Variants in CDC42SE2 observed in about 807,000 individuals in gnomAD.
The protein encoded by CDC42SE2 is CDC42 small effector 2.
CDC42SE2 carries 3 observed loss-of-function variants against 11.5 expected under a neutral mutation model. The observed-to-expected ratio is 0.26, with a 90% CI of 0.12 to 0.67. The LOEUF is 0.67. Ranked by LOEUF, CDC42SE2 falls within the 30% of genes least tolerant of loss-of-function variation. The pLI is 0.80. For synonymous variants in CDC42SE2, 33 were observed against 34.8 expected (o/e 0.95, Z 0.18); for missense variants, 82 against 106.8 (o/e 0.77, Z 1.02).
intron 1 of CDC42SE2, among the ~76,000 whole-genome samples, chr5:131,309,100 ATTC>A (rs1757842074): frequency 6.6e-6 from 1 of 152,118 alleles, no homozygotes; most frequent in Non-Finnish European, 1.5e-5. Context: ...GATAGCTCTT[ATTC>A]TTTTGAAATA....
At chr5:131,373,729 G>A (rs30735) in intron 3 of CDC42SE2, among the ~76,000 whole-genome samples, 64,458 of 151,944 alleles carry the variant, frequency 0.42, 17,623 homozygotes, top group African/African-American at 0.78. Context: ...AAACAAAACA[G>A]AAAACATGAA....
chr5:131,294,121 A>G (rs1757520399), intron 1 of CDC42SE2, among the ~76,000 whole-genome samples: 1 of 152,196 alleles, frequency 6.6e-6, no homozygotes, highest in Non-Finnish European at 1.5e-5. Flanking sequence ...AGAGTCAAGT[A>G]TACACTGTTT....
intron 1 of CDC42SE2, among the ~76,000 whole-genome samples, chr5:131,279,518 C>T (rs1371898950): frequency 8.3e-6 from 1 of 119,838 alleles, no homozygotes; most frequent in Non-Finnish European, 1.6e-5. Flanking sequence ...ACTTTTTTTT[C>T]TGCTTTTACT....
In CDC42SE2 at chr5:131,321,717, T is replaced by C. The variant is rs528569801; in HGVS notation, c.-286+5573T>C. Among the ~76,000 whole-genome samples, 648 of 150,790 alleles carry C rather than the reference T, an allele frequency of 4.3e-3. 5 individuals are homozygous for C. The highest frequency in any genetic ancestry group is 0.014 in the African/African-American group (553 of 40,790). On this transcript the variant is annotated intron_variant, in intron 2 of 4. Transcript: ENST00000505065. ...AATGGTGGGAAACTTAATTCTATCT[T>C]CCCCCCCGCCAAAATCATCAAGCGT...
At position 131,290,989 on chromosome 5, in the gene CDC42SE2, G is replaced by T. The variant is rs1177411602; in HGVS notation, c.-454-24987G>T. 1.3e-5 allele frequency among the ~76,000 whole-genome samples: 2 copies of T among 152,098 alleles called. 1 individual carries two copies. Among genetic ancestry groups the T allele is most frequent in the South Asian group, 4.1e-4 (2 of 4,832 alleles). ...AAAAGGAAAACCTTAAAAATACTAG[G>T]AGAAAACATCGGTCAATATAAAAAC... On this transcript the variant is annotated intron_variant, in intron 1 of 4. Transcript: ENST00000505065.
intron 1 of CDC42SE2, among the ~76,000 whole-genome samples, chr5:131,286,562 C>G (rs533243079): frequency 6.6e-6 from 1 of 151,932 alleles, no homozygotes; most frequent in South Asian, 2.1e-4. Flanking sequence ...CCTTGAACAA[C>G]ATGGGTTTGA....
At chr5:131,349,823 G>T (rs576803255) in intron 2 of CDC42SE2, among the ~76,000 whole-genome samples, 1 of 152,282 alleles carries the variant, frequency 6.6e-6, no homozygotes, top group South Asian at 2.1e-4. Context: ...TATTTTTAAG[G>T]TATGTGCACA....
intron 3 of CDC42SE2, among the ~76,000 whole-genome samples, chr5:131,378,980 C>T (rs2149785054): frequency 6.6e-6 from 1 of 152,258 alleles, no homozygotes; most frequent in South Asian, 2.1e-4. Context: ...AATAGAAAAC[C>T]CTGGCACCCC....
the CDC42SE2 span, among the ~76,000 whole-genome samples, chr5:131,225,047 G>A: frequency 5.3e-5 from 8 of 152,204 alleles, no homozygotes; most frequent in South Asian, 2.1e-4. Context: ...AGTGGCCGCC[G>A]TGTGAACAGT....
intron 1 of CDC42SE2, among the ~76,000 whole-genome samples, chr5:131,293,760 C>G (rs1417595118): frequency 2.0e-5 from 3 of 152,056 alleles, no homozygotes; most frequent in Non-Finnish European, 4.4e-5. Flanking sequence ...TTCTTATGTT[C>G]TTTATTTTTC....
chr5:131,386,546 C>T (rs533183385), intron 4 of CDC42SE2, among the ~76,000 whole-genome samples: 5 of 152,292 alleles, frequency 3.3e-5, no homozygotes, highest in South Asian at 4.1e-4. Context: ...AAGATTTATT[C>T]GCTGTCTTTT....
At chr5:131,335,199 T>C (rs1758525371) in intron 2 of CDC42SE2, among the ~76,000 whole-genome samples, 1 of 152,248 alleles carries the variant, frequency 6.6e-6, no homozygotes, top group South Asian at 2.1e-4. Flanking sequence ...AGAACACCTT[T>C]ATTTCTGCCT....
chr5:131,334,216 G>A (rs1227603385), intron 2 of CDC42SE2, among the ~76,000 whole-genome samples: 1 of 152,220 alleles, frequency 6.6e-6, no homozygotes, highest in Non-Finnish European at 1.5e-5. Context: ...CATCTGTTGA[G>A]ATAATCATGT....
upstream of CDC42SE2, among the ~76,000 whole-genome samples, chr5:131,242,519 C>A (rs181998468): frequency 2.0e-4 from 30 of 152,110 alleles, no homozygotes; most frequent in Middle Eastern, 3.4e-3. Flanking sequence ...TTCATGCAAT[C>A]TTTTTATTCA....
intron 1 of CDC42SE2, among the ~76,000 whole-genome samples, chr5:131,277,090 G>A (rs1345707704): frequency 6.6e-6 from 1 of 152,130 alleles, no homozygotes; most frequent in East Asian, 1.9e-4. Flanking sequence ...AAATCATCAT[G>A]TTGGATGACA....
chr5:131,234,799 T>C, the CDC42SE2 span, among the ~76,000 whole-genome samples: 1 of 151,916 alleles, frequency 6.6e-6, no homozygotes, highest in East Asian at 1.9e-4. Flanking sequence ...CAGCAGAAGA[T>C]GGATATTCTA....
At chr5:131,342,600 G>A (rs1758738545) in intron 2 of CDC42SE2, among the ~76,000 whole-genome samples, 1 of 151,872 alleles carries the variant, frequency 6.6e-6, no homozygotes, top group African/African-American at 2.4e-5. Flanking sequence ...ATATTGGCCA[G>A]GCTGGTCTTG....
intron 4 of CDC42SE2, among the ~76,000 whole-genome samples, chr5:131,388,575 ACT>A (rs1346657198): frequency 6.6e-6 from 1 of 151,990 alleles, no homozygotes; most frequent in Non-Finnish European, 1.5e-5. Flanking sequence ...AGTGTAAAAG[ACT>A]CTTTTCTACT....
intron 1 of CDC42SE2, among the ~76,000 whole-genome samples, chr5:131,310,575 G>A (rs1210646628): frequency 1.3e-5 from 2 of 150,914 alleles, no homozygotes; most frequent in African/African-American, 4.9e-5. Flanking sequence ...TTAATGTGTG[G>A]GAGTCTAAGT....
Sources: gnomAD v4.1 joint callset for allele counts (sites outside exome capture counted in the v4.1 genomes callset) on GRCh38, gnomAD v4.1.1 for gene constraint, MANE v1.5 for transcripts, NCBI Gene and HGNC (gene_info 2026-07-23, HGNC 2026-07-21) for gene names.